The following FAM53A variants were observed in gnomAD, a reference collection of about 807,000 sequenced individuals.
FAM53A encodes protein FAM53A.
FAM53A carries 28 observed loss-of-function variants against 26.6 expected under a neutral mutation model. That is an observed-to-expected ratio of 1.05 (90% CI 0.78 to 1.45). The LOEUF (loss-of-function observed/expected upper bound fraction) is 1.45. Among genes scored for constraint, FAM53A ranks in the 40% most tolerant of loss-of-function variants. FAM53A has a pLI of 0.00. For synonymous variants in FAM53A, 290 were observed against 253.1 expected, an observed-to-expected ratio of 1.15 and a Z score of -1.38; for missense variants, 650 against 575.8, an observed-to-expected ratio of 1.13 and a Z score of -1.32.
the FAM53A span, among the ~76,000 whole-genome samples, chr4:1,609,835 C>T: frequency 3.3e-5 from 5 of 151,726 alleles, no homozygotes; most frequent in Admixed American, 1.3e-4. Flanking sequence ...TGGTGGCAGG[C>T]GCCTGTAATC....
intron 1 of FAM53A, among the ~76,000 whole-genome samples, chr4:1,623,254 CA>C (rs1715129781): frequency 6.6e-6 from 1 of 152,218 alleles, no homozygotes; most frequent in Non-Finnish European, 1.5e-5. Context: ...GAGATGGGCC[CA>C]AGCTCCCCCG....
chr4:1,618,575 G>A (rs537630177), intron 1 of FAM53A, among the ~76,000 whole-genome samples: 4 of 152,360 alleles, frequency 2.6e-5, no homozygotes, highest in African/African-American at 7.2e-5. Flanking sequence ...CAGCTCTGGG[G>A]AAGGAAGACG....
At chr4:1,644,227 G>A (rs563668707) in intron 4 of FAM53A, 20 of 1,536,024 alleles carry the variant, frequency 1.3e-5, no homozygotes, top group South Asian at 4.8e-5. Flanking sequence ...AAACCACGGC[G>A]TTTTGTTTTC....
chr4:1,675,944 G>A lies in FAM53A; in HGVS notation c.-164-7039C>T, dbSNP rs182015714. ...AGGCAGTGCCTCAGCTCAGATGGCC[G>A]CCTCACGGGACAGCGGCAAAATGCC... On this transcript the variant is annotated intron_variant, in intron 1 of 4. Transcript: ENST00000308132. 3.9e-5 allele frequency among the ~76,000 whole-genome samples: 6 copies of A among 152,362 alleles called. No homozygotes were observed. The East Asian group carries it at 9.6e-4, about 24-fold the overall frequency.
At chr4:1,580,454 C>T in the FAM53A span, among the ~76,000 whole-genome samples, 2 of 152,146 alleles carry the variant, frequency 1.3e-5, no homozygotes, top group African/African-American at 4.8e-5. Flanking sequence ...AACCGGACGG[C>T]GCAACAAGCT....
At chr4:1,664,564 G>C in intron 2 of FAM53A, among the ~76,000 whole-genome samples, 1 of 152,198 alleles carries the variant, frequency 6.6e-6, no homozygotes, top group East Asian at 1.9e-4. Context: ...TTGAATGTTA[G>C]AAGTAACTTG....
chr4:1,677,389 C>T (rs922009167), intron 1 of FAM53A, among the ~76,000 whole-genome samples: 2 of 152,320 alleles, frequency 1.3e-5, no homozygotes, highest in East Asian at 1.9e-4. Context: ...ATCTATCCTC[C>T]GCTCCTCCAA....
At chr4:1,626,137 C>G (rs1282794122) in intron 1 of FAM53A, among the ~76,000 whole-genome samples, 3 of 152,180 alleles carry the variant, frequency 2.0e-5, no homozygotes, top group African/African-American at 4.8e-5. Context: ...CTGGATGACC[C>G]TGGTGCATAG....
chr4:1,644,898 C>A (rs1712096426), intron 4 of FAM53A: 1 of 153,202 alleles, frequency 6.5e-6, no homozygotes, highest in Non-Finnish European at 1.5e-5. Context: ...CAGCAAACGT[C>A]CAGGGCCCTG....
the FAM53A span, among the ~76,000 whole-genome samples, chr4:1,594,886 AT>A: frequency 6.6e-6 from 1 of 152,222 alleles, no homozygotes; most frequent in Non-Finnish European, 1.5e-5. Context: ...CAAAGTTCAC[AT>A]TGCCTTCATA....
rs1713479832 is a variant in FAM53A at position 1,657,477 on chromosome 4, A to G, written c.76-9T>C. 1 of 1,613,282 alleles carries G rather than the reference A, an allele frequency of 6.2e-7. No individual in the cohort carries two copies. The highest frequency in any genetic ancestry group is 1.3e-5 in the African/African-American group (1 of 75,054). ...TCCGCAGAATACTGCAACTGACAGG[A>G]AAGAGAAGTTTCAATACTGTGACTG... On this transcript the variant is annotated splice_polypyrimidine_tract_variant and intron_variant, in intron 2 of 4. Coordinates refer to ENST00000308132, the MANE Select transcript of FAM53A (RefSeq NM_001174070.3).
At chr4:1,577,811 A>C in the FAM53A span, among the ~76,000 whole-genome samples, 1 of 152,330 alleles carries the variant, frequency 6.6e-6, no homozygotes, top group East Asian at 1.9e-4. Context: ...TTAGAGGGAC[A>C]GCCTTGTCCA....
chr4:1,677,778 C>G (rs1283151079), intron 1 of FAM53A, among the ~76,000 whole-genome samples: 2 of 152,124 alleles, frequency 1.3e-5, no homozygotes, highest in African/African-American at 4.8e-5. Flanking sequence ...AACCCCATCT[C>G]TACTAAAAAT....
chr4:1,618,563 G>T (rs570652970), intron 1 of FAM53A, among the ~76,000 whole-genome samples: 2 of 152,204 alleles, frequency 1.3e-5, no homozygotes, highest in African/African-American at 4.8e-5. Context: ...GCATGGGGAC[G>T]GCAGCTCTGG....
intron 4 of FAM53A, among the ~76,000 whole-genome samples, chr4:1,652,193 C>G (rs1712884876): frequency 7.1e-6 from 1 of 140,558 alleles, no homozygotes. Flanking sequence ...CCATACACGC[C>G]ACACACACCA....
chr4:1,634,045 G>A (rs977115329), intron 1 of FAM53A, among the ~76,000 whole-genome samples: 1 of 152,184 alleles, frequency 6.6e-6, no homozygotes, highest in African/African-American at 2.4e-5. Flanking sequence ...GGGGCCCAGG[G>A]AGGGGCTCTC....
At chr4:1,652,820 A>G in intron 4 of FAM53A, among the ~76,000 whole-genome samples, 1 of 139,556 alleles carries the variant, frequency 7.2e-6, no homozygotes, top group Non-Finnish European at 1.6e-5. Flanking sequence ...CACACCACAT[A>G]CTACCCACCA....
chr4:1,682,132 C>T (rs1211420288), intron 1 of FAM53A, among the ~76,000 whole-genome samples: 1 of 152,158 alleles, frequency 6.6e-6, no homozygotes, highest in African/African-American at 2.4e-5. Flanking sequence ...TGTGAGAGTT[C>T]CTGAGTCCCT....
At chr4:1,600,540 C>T in the FAM53A span, among the ~76,000 whole-genome samples, 4 of 152,168 alleles carry the variant, frequency 2.6e-5, no homozygotes, top group South Asian at 8.3e-4. Context: ...GTGCACTGTC[C>T]CTGCAGGCCC....
Sources: gnomAD v4.1 joint callset for allele counts (sites outside exome capture counted in the v4.1 genomes callset) on GRCh38, gnomAD v4.1.1 for gene constraint, MANE v1.5 for transcripts, NCBI Gene and HGNC (gene_info 2026-07-23, HGNC 2026-07-21) for gene names.